SPECC1L: variants seen among roughly 807,000 people sequenced by gnomAD.
The protein encoded by SPECC1L is sperm antigen with calponin homology and coiled-coil domains 1 like, also known as cytospin-A.
A neutral mutation model predicts 116.8 loss-of-function variants in SPECC1L; 40 were observed. The observed-to-expected ratio is 0.34, with a 90% CI of 0.27 to 0.45. The LOEUF is 0.45. Ranked by LOEUF, SPECC1L falls within the 20% of genes least tolerant of loss-of-function variation. The pLI is 1.00. For synonymous variants in SPECC1L, 504 were observed against 500.6 expected (o/e 1.01, Z -0.09); for missense variants, 1,110 against 1,373.6 (o/e 0.81, Z 3.03).
chr22:24,365,419 C>G, intron 12 of SPECC1L, 57 bp from the exon 13 acceptor site: 2 of 1,562,024 alleles, frequency 1.3e-6, no homozygotes, highest in African/African-American at 2.7e-5. Flanking sequence ...AAAAAAATCT[C>G]AAGAACTCAG....
intron 14 of SPECC1L, among the ~76,000 whole-genome samples, chr22:24,386,625 A>G (rs1242215046): frequency 6.6e-6 from 1 of 151,640 alleles, no homozygotes; most frequent in Non-Finnish European, 1.5e-5. Context: ...TTATTTTGAG[A>G]CGGAGTCTTG....
At chr22:24,387,053 CT>C (rs1030659791) in intron 14 of SPECC1L, among the ~76,000 whole-genome samples, 7 of 152,286 alleles carry the variant, frequency 4.6e-5, no homozygotes, top group African/African-American at 1.7e-4. Context: ...CACTTGCACC[CT>C]GCTGACAGGG....
At chr22:24,294,472 C>G (rs895904637) in intron 2 of SPECC1L, among the ~76,000 whole-genome samples, 5 of 150,904 alleles carry the variant, frequency 3.3e-5, no homozygotes, top group African/African-American at 1.2e-4. Context: ...ACCTCTGCCT[C>G]CCGGGTTCAA....
intron 10 of SPECC1L, among the ~76,000 whole-genome samples, chr22:24,340,337 G>A (rs1366538714): frequency 6.6e-6 from 1 of 151,518 alleles, no homozygotes; most frequent in Non-Finnish European, 1.5e-5. Flanking sequence ...TAGTAGAGAC[G>A]GTTTTAACCA....
intron 11 of SPECC1L, among the ~76,000 whole-genome samples, chr22:24,362,790 T>G (rs576574261): frequency 2.4e-4 from 36 of 152,348 alleles, no homozygotes; most frequent in African/African-American, 8.7e-4. Flanking sequence ...TCAAAGAGAA[T>G]GTCTTCTCTG....
rs8140973 is a variant in SPECC1L, at chr22:24,317,523, A to G, written c.308-3765A>G. On this transcript the variant is annotated intron_variant, in intron 4 of 16. Coordinates refer to ENST00000314328, the MANE Select transcript of SPECC1L (RefSeq NM_015330.6). ...TCCCTCCCGGACGGGGCGGCTGGCC[A>G]GGCAGAGGGGCTCCTCACTTCCCAG... is the stretch of plus-strand genomic sequence containing the variant. Among the ~76,000 whole-genome samples, 59 of 82,990 alleles carry G rather than the reference A, an allele frequency of 7.1e-4. 2 individuals carry two copies. In the East Asian group the frequency reaches 0.012, roughly 17 times the overall value. 54.4% of individuals were successfully genotyped at this position (82,990 alleles called of 152,430 possible).
intron 14 of SPECC1L, among the ~76,000 whole-genome samples, chr22:24,375,724 G>GC (rs886744665): frequency 2.6e-5 from 4 of 152,138 alleles, no homozygotes; most frequent in African/African-American, 9.7e-5. Flanking sequence ...GGAGGCCAAG[G>GC]CGGGTGATCA....
intron 14 of SPECC1L, among the ~76,000 whole-genome samples, chr22:24,392,612 G>A (rs921910757): frequency 3.3e-5 from 5 of 152,202 alleles, no homozygotes; most frequent in African/African-American, 1.2e-4. Flanking sequence ...TATGGGAAGG[G>A]TAATTAGCCA....
At chr22:24,349,999 C>G (rs2041389692) in intron 11 of SPECC1L, among the ~76,000 whole-genome samples, 2 of 152,154 alleles carry the variant, frequency 1.3e-5, no homozygotes, top group Non-Finnish European at 1.5e-5. Flanking sequence ...CGCAGCCTGG[C>G]CTCAGTGTCC....
Position 24,302,376 on chromosome 22 carries a change from T to A in SPECC1L, c.145T>A (p.Leu49Met), listed in dbSNP as rs745862997. The A allele has an allele frequency of 6.2e-7, 1 of 1,614,080 alleles. No homozygotes were observed. Among genetic ancestry groups the A allele is most frequent in the South Asian group, 1.1e-5 (1 of 91,080 alleles). The change falls in exon 3 of 17, where the codon TTG (leucine) becomes ATG (methionine). Residue 49 changes from leucine to methionine, a missense_variant. Transcript: ENST00000314328. Reference sequence around the variant, plus strand: ...TGTAAAACCTGGAACAGCAGCATCATTGTCAAAGGTATTCATGTGATGTTT... The same window carrying A: ...TGTAAAACCTGGAACAGCAGCATCAATGTCAAAGGTATTCATGTGATGTTT... ...KLVKPGTAAS[L>M]SKTKSSDDLL...
chr22:24,285,883 G>A (rs571657453), intron 2 of SPECC1L, among the ~76,000 whole-genome samples: 2 of 152,156 alleles, frequency 1.3e-5, no homozygotes, highest in East Asian at 3.9e-4. Flanking sequence ...CTCATGATCC[G>A]CCCGCCTCAG....
intron 11 of SPECC1L, among the ~76,000 whole-genome samples, chr22:24,356,464 T>A (rs550321879): frequency 6.6e-6 from 1 of 152,152 alleles, no homozygotes; most frequent in East Asian, 1.9e-4. Flanking sequence ...TCTGAAGTCT[T>A]TCTTTTCTGA....
At chr22:24,400,129 A>G (rs1387478556) in intron 14 of SPECC1L, among the ~76,000 whole-genome samples, 2 of 152,240 alleles carry the variant, frequency 1.3e-5, no homozygotes, top group African/African-American at 2.4e-5. Flanking sequence ...TAAACATACA[A>G]TTCGGTAGCA....
intron 11 of SPECC1L, among the ~76,000 whole-genome samples, chr22:24,363,033 G>C (rs1003980830): frequency 8.5e-5 from 13 of 152,106 alleles, no homozygotes; most frequent in Admixed American, 6.5e-4. Flanking sequence ...GTCTGTGTGG[G>C]GCGTCTCATT....
intron 6 of SPECC1L, among the ~76,000 whole-genome samples, chr22:24,328,225 C>T (rs936861560): frequency 3.9e-5 from 6 of 152,052 alleles, no homozygotes; most frequent in Non-Finnish European, 8.8e-5. Flanking sequence ...TACTTTGCAT[C>T]TTATTGGTGG....
chr22:24,414,965 G>A lies in SPECC1L; in HGVS notation c.*342G>A, dbSNP rs1489903932. 2 of 334,070 alleles carry A rather than the reference G, an allele frequency of 6.0e-6. No homozygotes were observed. Among genetic ancestry groups the A allele is most frequent in the Admixed American group, 8.1e-5 (2 of 24,750 alleles). The allele number at this position is 334,070 out of a possible 1,614,324, so 20.7% of individuals were successfully genotyped here. A position where few individuals can be genotyped will look rare whatever the true frequency, so the allele number is the denominator to read the frequency against. Reference sequence around the variant, plus strand: ...AAAGGGCTCATGCACAGCTGAATTTGGGAAAAGGGATTCAGTTCTGTGGGA... The same window carrying A: ...AAAGGGCTCATGCACAGCTGAATTTAGGAAAAGGGATTCAGTTCTGTGGGA... On this transcript the variant is annotated 3_prime_UTR_variant, in exon 17 of 17. Coordinates refer to ENST00000314328, the MANE Select transcript of SPECC1L (RefSeq NM_015330.6).
At chr22:24,356,026 T>TA (rs1434940903) in intron 11 of SPECC1L, among the ~76,000 whole-genome samples, 1 of 152,156 alleles carries the variant, frequency 6.6e-6, no homozygotes, top group African/African-American at 2.4e-5. Flanking sequence ...CAACCACTGA[T>TA]ATGTTTTTCA....
chr22:24,351,337 A>G (rs185375096), intron 11 of SPECC1L, among the ~76,000 whole-genome samples: 1 of 152,312 alleles, frequency 6.6e-6, no homozygotes, highest in Admixed American at 6.5e-5. Context: ...CCGTTTAATT[A>G]TTTCTGTTAC....
Position 24,322,634 on chromosome 22 carries a change from C to G in SPECC1L, c.1654C>G (p.Gln552Glu). 1 of 1,613,914 alleles carries G rather than the reference C, an allele frequency of 6.2e-7. No individual in the cohort carries two copies. The highest frequency in any genetic ancestry group is 2.2e-5 in the East Asian group (1 of 44,884). The change falls in exon 5 of 17, where the codon CAG becomes GAG. Residue 552 changes from glutamine (Q) to glutamate (E), a missense_variant. Physicochemically the swap from Gln to Glu is conservative, Grantham distance 29 (BLOSUM62 2). Coordinates refer to ENST00000314328, the MANE Select transcript of SPECC1L (RefSeq NM_015330.6). ...HHMERIIESE[Q>E]KGKAALAATL... ...TATGGAGCGAATTATTGAGTCTGAG[C>G]AGAAAGGAAAAGCAGCCTTGGCAGC... is the stretch of plus-strand genomic sequence containing the variant.
Sources: gnomAD v4.1 joint callset for allele counts (sites outside exome capture counted in the v4.1 genomes callset) on GRCh38, gnomAD v4.1.1 for gene constraint, MANE v1.5 for transcripts, NCBI Gene and HGNC (gene_info 2026-07-23, HGNC 2026-07-21) for gene names.